The following PRXL2B variants were observed in gnomAD, a reference collection of about 807,000 sequenced individuals.
PRXL2B encodes prostamide/prostaglandin F synthase.
In PRXL2B, 26 loss-of-function variants were observed where a neutral mutation model predicts 24.4. That is an observed-to-expected ratio of 1.07 (90% CI 0.78 to 1.48). The LOEUF (loss-of-function observed/expected upper bound fraction) is 1.48. PRXL2B is among the 40% of genes most tolerant of loss of function. PRXL2B has a pLI of 0.00. For missense variants in PRXL2B, 269 were observed against 264.8 expected, an observed-to-expected ratio of 1.02 and a Z score of -0.11; for synonymous variants, 115 against 118.9, an observed-to-expected ratio of 0.97 and a Z score of 0.21.
At chr1:2,586,658 T>C (rs1435646127), upstream of PRXL2B, 15 of 1,064,122 alleles carry the variant, frequency 1.4e-5, no homozygotes, top group African/African-American at 1.5e-4. Context: ...CGGGGTGCGG[T>C]CGGGGGCGTG....
rs1570621100 is a variant in PRXL2B, at chr1:2,588,382, C to T, written c.321-8C>T. The T allele has an allele frequency of 6.2e-7, 1 of 1,614,050 alleles. No homozygotes were observed. Among genetic ancestry groups the T allele is most frequent in the African/African-American group, 1.3e-5 (1 of 74,948 alleles). On this transcript the variant is annotated splice_polypyrimidine_tract_variant and splice_region_variant and intron_variant, in intron 3 of 6. Transcript: ENST00000419916. Reference sequence around the variant, plus strand: ...GGAGTTTGGCCAAGCGACCTGGTGTCTTCGCAGGTACAACAGCCTGAGCAT... The same window carrying T: ...GGAGTTTGGCCAAGCGACCTGGTGTTTTCGCAGGTACAACAGCCTGAGCAT...
chr1:2,586,658 TCGGGGGCGTGGC>T, upstream of PRXL2B: 4 of 1,064,152 alleles, frequency 3.8e-6, no homozygotes, highest in South Asian at 1.8e-4. Context: ...CGGGGTGCGG[TCGGGGGCGTGGC>T]CGGGGCGCGC....
rs761836788 is a variant in PRXL2B, at chr1:2,589,479, G to T, written c.*52G>T. ...GATCTGGGTGGCGTCTGCTGCCCTAGGTGTGCTGGAAGTCCACTTGGAAGA... is the reference window on the plus strand; with the variant it reads ...GATCTGGGTGGCGTCTGCTGCCCTATGTGTGCTGGAAGTCCACTTGGAAGA... On this transcript the variant is annotated 3_prime_UTR_variant, in exon 7 of 7. Transcript: ENST00000419916. The T allele has an allele frequency of 6.2e-7, 1 of 1,613,190 alleles. No homozygotes were observed. The highest frequency in any genetic ancestry group is 1.3e-5 in the African/African-American group (1 of 75,058).
intron 5 of PRXL2B, 146 bp downstream of exon 5, chr1:2,588,771 G>A: frequency 8.4e-7 from 1 of 1,195,034 alleles, no homozygotes; most frequent in Non-Finnish European, 1.2e-6. Context: ...CTGCTGGGCT[G>A]AGTGGGGCTG....
At position 2,589,447 on chromosome 1, in the gene PRXL2B, C is replaced by T. The variant is rs370258722; in HGVS notation, c.*20C>T. ...GTGTGAGGGAGGCGAAGGCCCTGGC[C>T]TCCGAGGATCTGGGTGGCGTCTGCT... On this transcript the variant is annotated 3_prime_UTR_variant, in exon 7 of 7. Coordinates refer to ENST00000419916, the MANE Select transcript of PRXL2B (RefSeq NM_152371.5). The T allele has an allele frequency of 9.9e-6, 16 of 1,613,658 alleles. No homozygotes were observed. In the Admixed American group the frequency reaches 1.0e-4, roughly 10 times the overall value.
At position 2,587,203 on chromosome 1, in the gene PRXL2B, G is replaced by T; in HGVS notation, c.176G>T (p.Gly59Val). 6.4e-7 allele frequency: 1 copy of T among 1,568,322 alleles called. No individual in the cohort carries two copies. The highest frequency in any genetic ancestry group is 8.6e-7 in the Non-Finnish European group (1 of 1,163,604). ...WIAQDLSSLA[G>V]LLDQHGVRLV... ...GCCCAGGACCTCAGCAGCCTTGCTG[G>T]GCTCCTGGACCAACACGGCGTGCGC... The change falls in exon 2 of 7, where the codon GGG becomes GTG. Residue 59 changes from glycine to valine, a missense_variant. Coordinates refer to ENST00000419916, the MANE Select transcript of PRXL2B (RefSeq NM_152371.5). This position sits in a 1 kb window ranked among gnomAD's most constrained non-coding sequence, Gnocchi z 6.1.
chr1:2,589,876 T>G lies in PRXL2B; in HGVS notation c.*449T>G. The G allele has an allele frequency of 5.4e-6, 1 of 185,960 alleles. No homozygotes were observed. Among genetic ancestry groups the G allele is most frequent in the Admixed American group, 5.9e-5 (1 of 16,886 alleles). 11.5% of individuals were successfully genotyped at this position (185,960 alleles called of 1,614,324 possible). A position where few individuals can be genotyped will look rare whatever the true frequency, so the allele number is the denominator to read the frequency against. On this transcript the variant is annotated 3_prime_UTR_variant, in exon 7 of 7. Coordinates refer to ENST00000419916, the MANE Select transcript of PRXL2B (RefSeq NM_152371.5). ...AGTGCCTGTGTCTGGTGGGGGCCAC[T>G]CAGGAGAGTTGGGTTTTCAGGGCAG...
chr1:2,587,337 C>G lies in PRXL2B; in HGVS notation c.268+42C>G. On this transcript the variant is annotated intron_variant, in intron 2 of 6. Transcript: ENST00000419916. This position sits in a 1 kb window ranked among gnomAD's most constrained non-coding sequence, Gnocchi z 6.1. ...GCCGCGGCGGCGCACATACCCTTCC[C>G]TAAGCTCAGGGCGTTCGGGGCCCTT... 1.3e-6 allele frequency: 2 copies of G among 1,536,076 alleles called. No homozygotes were observed. Among genetic ancestry groups the G allele is most frequent in the Non-Finnish European group, 1.7e-6 (2 of 1,146,210 alleles).
Position 2,589,441 on chromosome 1 carries a change from C to T in PRXL2B, c.*14C>T. On this transcript the variant is annotated 3_prime_UTR_variant, in exon 7 of 7. Coordinates refer to ENST00000419916, the MANE Select transcript of PRXL2B (RefSeq NM_152371.5). ...AGAGAGGTGTGAGGGAGGCGAAGGC[C>T]CTGGCCTCCGAGGATCTGGGTGGCG... 1 of 1,613,752 alleles carries T rather than the reference C, an allele frequency of 6.2e-7. No homozygotes were observed. Among genetic ancestry groups the T allele is most frequent in the Non-Finnish European group, 8.5e-7 (1 of 1,179,914 alleles).
chr1:2,588,875 G>A lies in PRXL2B; in HGVS notation c.461-47G>A, dbSNP rs1412968541. Reference sequence around the variant, plus strand: ...CCTCCTCCTGGTATGTGGCTGTGAGGTGCAGGCGGCCTCCGGGGTGCCGTG... The same window carrying A: ...CCTCCTCCTGGTATGTGGCTGTGAGATGCAGGCGGCCTCCGGGGTGCCGTG... On this transcript the variant is annotated intron_variant, in intron 5 of 6. Coordinates refer to ENST00000419916, the MANE Select transcript of PRXL2B (RefSeq NM_152371.5). The A allele has an allele frequency of 2.6e-6, 4 of 1,565,932 alleles. No individual in the cohort carries two copies. The South Asian group carries it at 3.3e-5, about 13-fold the overall frequency.
chr1:2,589,331 G>A, intron 6 of PRXL2B, 79 bp from the exon 7 acceptor site: 1 of 1,570,420 alleles, frequency 6.4e-7, no homozygotes, highest in Non-Finnish European at 8.7e-7. Flanking sequence ...GGGAGGGCTG[G>A]GGATTGTCCA....
At position 2,587,147 on chromosome 1, in the gene PRXL2B, G is replaced by A. The variant is rs1208130651; in HGVS notation, c.120G>A (p.Arg40=). The A allele has an allele frequency of 1.7e-5, 26 of 1,543,172 alleles. No homozygotes were observed. Among genetic ancestry groups the A allele is most frequent in the Non-Finnish European group, 2.3e-5 (26 of 1,151,360 alleles). The part of the protein sequence containing the change: ...REHACVVAGL[R]RFGCVVCRWI... Reference sequence around the variant, plus strand: ...ACGCGTGCGTGGTGGCCGGGCTGCGGCGCTTCGGGTGCGTGGTGTGCCGCT... The same window carrying A: ...ACGCGTGCGTGGTGGCCGGGCTGCGACGCTTCGGGTGCGTGGTGTGCCGCT... The change falls in exon 2 of 7, where the codon CGG becomes CGA. Residue 40 remains arginine (R), a synonymous_variant. Coordinates refer to ENST00000419916, the MANE Select transcript of PRXL2B (RefSeq NM_152371.5). This position sits in a 1 kb window ranked among gnomAD's most constrained non-coding sequence, Gnocchi z 6.1.
chr1:2,587,379 C>T lies in PRXL2B; in HGVS notation c.268+84C>T. On this transcript the variant is annotated intron_variant, in intron 2 of 6. Coordinates refer to ENST00000419916, the MANE Select transcript of PRXL2B (RefSeq NM_152371.5). The surrounding 1 kb of genome is among the most constrained non-coding windows in gnomAD (Gnocchi z 6.1). ...GGGGCCCTTTCCTGCCCAACCCCGG[C>T]CCTTCTGTCTGCTGGAGCGGCCTTG... 2 of 1,453,122 alleles carry T rather than the reference C, an allele frequency of 1.4e-6. No individual in the cohort carries two copies. The highest frequency in any genetic ancestry group is 2.5e-5 in the East Asian group (1 of 40,466). 90.0% of individuals were successfully genotyped at this position (1,453,122 alleles called of 1,614,324 possible).
rs1382436363 is a variant in PRXL2B, at chr1:2,587,201, T to C, written c.174T>C (p.Ala58=). ...RWIAQDLSSL[A]GLLDQHGVRL... is the part of the protein sequence containing the mutation. ...TCGCCCAGGACCTCAGCAGCCTTGC[T>C]GGGCTCCTGGACCAACACGGCGTGC... Residue 58 remains alanine (A), a synonymous_variant, in exon 2 of 7, where the codon GCT becomes GCC. Transcript: ENST00000419916. This position sits in a 1 kb window ranked among gnomAD's most constrained non-coding sequence, Gnocchi z 6.1. The C allele has an allele frequency of 6.4e-7, 1 of 1,567,674 alleles. No individual in the cohort carries two copies. Among genetic ancestry groups the C allele is most frequent in the Non-Finnish European group, 8.6e-7 (1 of 1,163,270 alleles).
Position 2,590,212 on chromosome 1 carries a change from G to C in PRXL2B, c.*785G>C, listed in dbSNP as rs1644648184. ...AGCCCTCTCTGCACTCCCTAGTCCA[G>C]ACCTGGGGACCACTGTGGGTTCCTG... is the stretch of plus-strand genomic sequence containing the variant. On this transcript the variant is annotated 3_prime_UTR_variant, in exon 7 of 7. Coordinates refer to ENST00000419916, the MANE Select transcript of PRXL2B (RefSeq NM_152371.5). 1 of 152,488 alleles carries C rather than the reference G, an allele frequency of 6.6e-6. No homozygotes were observed. Among genetic ancestry groups the C allele is most frequent in the Non-Finnish European group, 1.5e-5 (1 of 68,116 alleles). The allele number at this position is 152,488 out of a possible 1,614,324, so 9.4% of individuals were successfully genotyped here. A position where few individuals can be genotyped will look rare whatever the true frequency, so the allele number is the denominator to read the frequency against.
Position 2,587,998 on chromosome 1 carries a change from C to T in PRXL2B, c.320+206C>T, listed in dbSNP as rs546419091. 2.0e-5 allele frequency among the ~76,000 whole-genome samples: 3 copies of T among 152,136 alleles called. No individual in the cohort carries two copies. Among genetic ancestry groups the T allele is most frequent in the Non-Finnish European group, 2.9e-5 (2 of 67,962 alleles). ...GGTGACTGTAATGAGCCACCTCGTCCGGGGCTTACTCTCGGTGTCCAGACC... is the reference window on the plus strand; with the variant it reads ...GGTGACTGTAATGAGCCACCTCGTCTGGGGCTTACTCTCGGTGTCCAGACC... On this transcript the variant is annotated intron_variant, in intron 3 of 6. Transcript: ENST00000419916. This position sits in a 1 kb window ranked among gnomAD's most constrained non-coding sequence, Gnocchi z 6.1.
Position 2,590,929 on chromosome 1 carries a change from T to TGGG in PRXL2B, c.*1502_*1503insGGG. 7.5e-7 allele frequency: 1 copy of TGGG among 1,332,824 alleles called. No homozygotes were observed. The highest frequency in any genetic ancestry group is 9.9e-7 in the Non-Finnish European group (1 of 1,010,860). 82.6% of individuals were successfully genotyped at this position (1,332,824 alleles called of 1,614,324 possible). A position where few individuals can be genotyped will look rare whatever the true frequency, so the allele number is the denominator to read the frequency against. ...ACACTGGGTCGCCGCTAGCTGCACC[T>TGGG]TCGCACAGATGCCTCCGAGCAGCGG... On this transcript the variant is annotated 3_prime_UTR_variant, in exon 7 of 7. Transcript: ENST00000419916.
chr1:2,586,907 C>A lies in PRXL2B; in HGVS notation c.22C>A (p.Arg8Ser). ...CGCCATGAGCACGGTGGACCTTGCT[C>A]GCGTGGGCGCGTGCATCCTGAAGCA... MSTVDLA[R>S]VGACILKHAV... Residue 8 changes from arginine to serine, a missense_variant, in exon 1 of 7, where the codon CGC becomes AGC. By Grantham distance (110) the Arg-to-Ser change is moderately radical. Transcript: ENST00000419916. 4 of 1,310,720 alleles carry A rather than the reference C, an allele frequency of 3.1e-6. No individual in the cohort carries two copies. The highest frequency in any genetic ancestry group is 5.5e-5 in the South Asian group (2 of 36,590). The allele number at this position is 1,310,720 out of a possible 1,614,324, so 81.2% of individuals were successfully genotyped here. A position where few individuals can be genotyped will look rare whatever the true frequency, so the allele number is the denominator to read the frequency against.
chr1:2,589,093 C>A, intron 6 of PRXL2B, 53 bp downstream of exon 6: 2 of 1,526,964 alleles, frequency 1.3e-6, no homozygotes, highest in South Asian at 1.1e-5. Flanking sequence ...GCCCCTAGGT[C>A]CCCTGGGAGG....
Sources: allele counts gnomAD v4.1 joint callset (sites outside exome capture counted in the v4.1 genomes callset), GRCh38; gene constraint gnomAD v4.1.1; non-coding constraint Gnocchi (gnomAD v3.1); transcripts MANE v1.5; gene names NCBI Gene and HGNC (gene_info 2026-07-23, HGNC 2026-07-21).